Variants in DEPDC4 observed in about 807,000 individuals in gnomAD.
DEPDC4 encodes the protein DEP domain containing 4, also known as DEP domain-containing protein 4.
In DEPDC4, 52 loss-of-function variants were observed where a neutral mutation model predicts 52.0. The observed-to-expected ratio is 1.00, with a 90% CI of 0.80 to 1.26. DEPDC4 has a LOEUF of 1.26. Ranked by LOEUF, DEPDC4 falls within the 50% of genes most tolerant of loss-of-function variation. The pLI is 0.00. For synonymous variants in DEPDC4, 201 were observed against 196.8 expected (o/e 1.02, Z -0.18); for missense variants, 530 against 546.9 (o/e 0.97, Z 0.31).
At chr12:100,239,064 T>C (rs1303262028), downstream of DEPDC4, among the ~76,000 whole-genome samples, 1 of 152,130 alleles carries the variant, frequency 6.6e-6, no homozygotes, top group Non-Finnish European at 1.5e-5. Flanking sequence ...CACAGACTCT[T>C]AGTTGAGAAT....
At chr12:100,249,801 T>C (rs1173665222) in intron 7 of DEPDC4, among the ~76,000 whole-genome samples, 1 of 152,224 alleles carries the variant, frequency 6.6e-6, no homozygotes, top group Non-Finnish European at 1.5e-5. Flanking sequence ...TGCCAGGTAC[T>C]GTTACAGGTG....
At chr12:100,244,979 G>A (rs1160334361) in intron 8 of DEPDC4, among the ~76,000 whole-genome samples, 1 of 149,348 alleles carries the variant, frequency 6.7e-6, no homozygotes, top group Non-Finnish European at 1.5e-5. Context: ...TCAAGCGAGT[G>A]TCCTGCCTCA....
At chr12:100,253,750 G>A in intron 4 of DEPDC4, 35 bp from the exon 5 acceptor site, 1 of 1,143,916 alleles carries the variant, frequency 8.7e-7, no homozygotes, top group Non-Finnish European at 1.2e-6. Context: ...TAAAGCAATG[G>A]TTAACATTTC....
intron 9 of DEPDC4, among the ~76,000 whole-genome samples, chr12:100,234,133 CTT>C (rs1434166201): frequency 6.6e-6 from 1 of 152,066 alleles, no homozygotes; most frequent in Non-Finnish European, 1.5e-5. Flanking sequence ...AAAAACCAAA[CTT>C]TTATTTATGT....
chr12:100,275,635 G>C, the DEPDC4 span, among the ~76,000 whole-genome samples: 1 of 152,064 alleles, frequency 6.6e-6, no homozygotes, highest in Non-Finnish European at 1.5e-5. Context: ...GGAATAAATT[G>C]TATTCTTTCT....
Position 100,266,629 on chromosome 12 carries a change from C to A in DEPDC4, c.157+291G>T, listed in dbSNP as rs796127097. 2.6e-5 allele frequency among the ~76,000 whole-genome samples: 4 copies of A among 152,168 alleles called. No individual in the cohort carries two copies. The South Asian group carries it at 6.2e-4, about 24-fold the overall frequency. On this transcript the variant is annotated intron_variant, in intron 1 of 9. Coordinates refer to ENST00000550587, the MANE Select transcript of DEPDC4 (RefSeq NM_001364818.2). ...TGTATTAGAAACGCAGATTATCAGA[C>A]CCTACTCCTCAATCAGAATTTGCAC... is the stretch of plus-strand genomic sequence containing the variant.
At chr12:100,266,288 C>CAAGGAA (rs1187406532) in intron 1 of DEPDC4, among the ~76,000 whole-genome samples, 1 of 152,108 alleles carries the variant, frequency 6.6e-6, no homozygotes, top group African/African-American at 2.4e-5. Flanking sequence ...CCTCAAATTC[C>CAAGGAA]TTCTGTAACA....
chr12:100,259,081 A>AAAATATATAT (rs543577636), intron 3 of DEPDC4, among the ~76,000 whole-genome samples: 103 of 149,180 alleles, frequency 6.9e-4, no homozygotes, highest in African/African-American at 2.4e-3. Context: ...AAAAAAAAAA[A>AAAATATATAT]ATATATATAT....
chr12:100,263,405 C>T, intron 2 of DEPDC4, 92 bp downstream of exon 2: 7 of 1,088,984 alleles, frequency 6.4e-6, no homozygotes, highest in Admixed American at 3.2e-5. Flanking sequence ...TAATTGGCTT[C>T]TGAAAAAAGT....
intron 3 of DEPDC4, among the ~76,000 whole-genome samples, chr12:100,259,573 A>T (rs999842900): frequency 6.6e-6 from 1 of 152,242 alleles, no homozygotes; most frequent in Non-Finnish European, 1.5e-5. Context: ...TCTACAAAAT[A>T]ATGTAAACAT....
chr12:100,256,597 T>G (rs756971271), intron 3 of DEPDC4, among the ~76,000 whole-genome samples: 1 of 151,798 alleles, frequency 6.6e-6, no homozygotes, highest in African/African-American at 2.4e-5. Context: ...TATAGCAACA[T>G]AGATAATTGT....
chr12:100,250,277 GC>G (rs2096202304), intron 7 of DEPDC4, among the ~76,000 whole-genome samples: 1 of 152,100 alleles, frequency 6.6e-6, no homozygotes, highest in Non-Finnish European at 1.5e-5. Context: ...GTGCAGCGGT[GC>G]GATCTTGGCT....
At chr12:100,233,369 T>C (rs919170183) in intron 9 of DEPDC4, among the ~76,000 whole-genome samples, 11 of 152,186 alleles carry the variant, frequency 7.2e-5, no homozygotes, top group Non-Finnish European at 1.5e-4. Context: ...TCGTCCCTCT[T>C]CCAGAGATGC....
At chr12:100,248,381 T>C (rs2096194585) in intron 8 of DEPDC4, among the ~76,000 whole-genome samples, 1 of 152,126 alleles carries the variant, frequency 6.6e-6, no homozygotes, top group African/African-American at 2.4e-5. Flanking sequence ...ACAATCTTAG[T>C]AAACTTGGAT....
At chr12:100,252,151 T>C (rs1171149669) in intron 7 of DEPDC4, 25 bp downstream of exon 7, 72 of 1,151,236 alleles carry the variant, frequency 6.3e-5, no homozygotes, top group Non-Finnish European at 7.2e-5. Context: ...GTAATAAATG[T>C]GCCCAGGCAA....
chr12:100,244,273 T>C (rs1194626600), intron 8 of DEPDC4, among the ~76,000 whole-genome samples: 8 of 151,122 alleles, frequency 5.3e-5, no homozygotes, highest in Non-Finnish European at 7.4e-5. Flanking sequence ...CTCTGCCTCC[T>C]AGGTTCACGC....
downstream of DEPDC4, chr12:100,238,022 G>A (rs1447094152): frequency 1.0e-5 from 10 of 975,358 alleles, no homozygotes; most frequent in South Asian, 9.5e-5. Flanking sequence ...GACTTCTATC[G>A]AAGAGGGCTT....
At chr12:100,274,316 T>G in the DEPDC4 span, among the ~76,000 whole-genome samples, 2 of 152,208 alleles carry the variant, frequency 1.3e-5, no homozygotes, top group African/African-American at 4.8e-5. Flanking sequence ...CTGGAGTTTT[T>G]TTGTCAAGAG....
At chr12:100,242,324 C>CTTT (rs746693169) in intron 9 of DEPDC4, among the ~76,000 whole-genome samples, 162 bp downstream of exon 9, 42 of 96,028 alleles carry the variant, frequency 4.4e-4, no homozygotes, top group East Asian at 9.1e-4. Context: ...ACTATGAGGG[C>CTTT]TTTTTTTTTT....
Sources: gnomAD v4.1 joint callset for allele counts (sites outside exome capture counted in the v4.1 genomes callset) on GRCh38, gnomAD v4.1.1 for gene constraint, MANE v1.5 for transcripts, NCBI Gene and HGNC (gene_info 2026-07-23, HGNC 2026-07-21) for gene names.